SLC44A5: variants seen among roughly 807,000 people sequenced by gnomAD.
SLC44A5 encodes solute carrier family 44 member 5.
Under a neutral mutation model 101.8 loss-of-function variants are expected in SLC44A5, and 57 were observed. The observed-to-expected ratio is 0.56, with a 90% CI of 0.45 to 0.70. SLC44A5 has a LOEUF of 0.70. Among genes scored for constraint, SLC44A5 ranks in the 30% least tolerant of loss-of-function variants. SLC44A5 has a pLI of 0.00. For missense variants in SLC44A5, 737 were observed against 853.1 expected, an observed-to-expected ratio of 0.86 and a Z score of 1.70; for synonymous variants, 281 against 290.9, an observed-to-expected ratio of 0.97 and a Z score of 0.35.
chr1:75,555,838 A>G (rs1453064304), intron 1 of SLC44A5, among the ~76,000 whole-genome samples: 1 of 152,148 alleles, frequency 6.6e-6, no homozygotes, highest in Non-Finnish European at 1.5e-5. Flanking sequence ...TGAAAAACAA[A>G]TATTTGTATA....
intron 2 of SLC44A5, among the ~76,000 whole-genome samples, chr1:75,441,603 A>C (rs1372484279): frequency 6.6e-6 from 1 of 151,722 alleles, no homozygotes; most frequent in African/African-American, 2.4e-5. Context: ...GAATTAAAAA[A>C]ATATATTACC....
chr1:75,456,857 C>T (rs1666212329), intron 2 of SLC44A5, among the ~76,000 whole-genome samples: 1 of 152,158 alleles, frequency 6.6e-6, no homozygotes, highest in South Asian at 2.1e-4. Flanking sequence ...TAAGAAGCAC[C>T]TTATAGTGTA....
At chr1:75,393,058 C>T (rs1661897947) in intron 3 of SLC44A5, among the ~76,000 whole-genome samples, 1 of 152,134 alleles carries the variant, frequency 6.6e-6, no homozygotes, top group African/African-American at 2.4e-5. Flanking sequence ...ACTCTGCTCA[C>T]TATTTGGGTG....
intron 6 of SLC44A5, among the ~76,000 whole-genome samples, chr1:75,259,923 C>T (rs1293311407): frequency 6.6e-6 from 1 of 152,110 alleles, no homozygotes; most frequent in Non-Finnish European, 1.5e-5. Context: ...TCATATCCAG[C>T]CAAACTAAGC....
At chr1:75,499,294 G>A (rs1053024694) in intron 2 of SLC44A5, among the ~76,000 whole-genome samples, 13 of 152,164 alleles carry the variant, frequency 8.5e-5, no homozygotes, top group Non-Finnish European at 1.9e-4. Flanking sequence ...CAGATCATCA[G>A]GCATTAGATT....
At chr1:75,244,787 G>T (rs1648968718) in intron 7 of SLC44A5, among the ~76,000 whole-genome samples, 1 of 152,034 alleles carries the variant, frequency 6.6e-6, no homozygotes, top group South Asian at 2.1e-4. Context: ...TACACTATTG[G>T]TTTTGCTTTT....
the SLC44A5 span, among the ~76,000 whole-genome samples, chr1:75,630,216 TCATCAATCC>T: frequency 6.6e-6 from 1 of 152,158 alleles, no homozygotes; most frequent in Non-Finnish European, 1.5e-5. Context: ...TGTGGGTTTC[TCATCAATCC>T]CAGGCAATTG....
intron 4 of SLC44A5, among the ~76,000 whole-genome samples, chr1:75,326,095 C>CGT (rs58294702): frequency 0.01 from 1,449 of 140,322 alleles, 12 homozygotes; most frequent in Middle Eastern, 0.024. Flanking sequence ...TCTCTCTCTC[C>CGT]GTGTGTGTGT....
Position 75,582,170 on chromosome 1 carries a change from A to G in SLC44A5, c.-70+28870T>C, listed in dbSNP as rs1378230173. On this transcript the variant is annotated intron_variant, in intron 1 of 23. Transcript: ENST00000370859. ...ACAGAAATTGCCTCAAGAAACCCCA[A>G]TCACAAAGATACGAATCTCTTAAGG... The G allele has an allele frequency of 3.7e-6, 3 of 820,216 alleles. No homozygotes were observed. In the African/African-American group the frequency reaches 5.0e-5, roughly 14 times the overall value. The allele number at this position is 820,216 out of a possible 1,614,324, so 50.8% of individuals were successfully genotyped here. A position where few individuals can be genotyped will look rare whatever the true frequency, so the allele number is the denominator to read the frequency against.
At chr1:75,670,260 A>T in the SLC44A5 span, among the ~76,000 whole-genome samples, 13 of 152,144 alleles carry the variant, frequency 8.5e-5, no homozygotes, top group Non-Finnish European at 1.5e-4. Context: ...CCTAAAAGAA[A>T]ACCTTCCCAA....
rs544229699 is a variant in SLC44A5 at position 75,278,523 on chromosome 1, A to G, written c.176-3481T>C. On this transcript the variant is annotated intron_variant, in intron 5 of 23. Transcript: ENST00000370859. Reference sequence around the variant, plus strand: ...TCTTGAAATAATAGTCACAGATAATATATCTCAGCCAAACTCATAATTTCC... The same window carrying G: ...TCTTGAAATAATAGTCACAGATAATGTATCTCAGCCAAACTCATAATTTCC... 5.3e-5 allele frequency among the ~76,000 whole-genome samples: 8 copies of G among 152,276 alleles called. No homozygotes were observed. In the South Asian group the frequency reaches 1.2e-3, roughly 24 times the overall value.
chr1:75,486,450 T>C (rs1557838098), intron 2 of SLC44A5, among the ~76,000 whole-genome samples: 1 of 152,222 alleles, frequency 6.6e-6, no homozygotes, highest in African/African-American at 2.4e-5. Flanking sequence ...GTTTTACTCT[T>C]ATTCTATTAA....
intron 3 of SLC44A5, among the ~76,000 whole-genome samples, chr1:75,340,760 A>C (rs184664215): frequency 5.9e-5 from 9 of 152,320 alleles, no homozygotes; most frequent in Non-Finnish European, 8.8e-5. Flanking sequence ...AATCCCAGGA[A>C]TTTAGAATTA....
Position 75,215,847 on chromosome 1 carries a change from G to C in SLC44A5, c.1635C>G (p.Asn545Lys), listed in dbSNP as rs1233842568. The C allele has an allele frequency of 6.3e-7, 1 of 1,576,732 alleles. No homozygotes were observed. The highest frequency in any genetic ancestry group is 1.7e-5 in the Admixed American group (1 of 59,436). ...AGCATTGTAGGAATTTAGACAATGT[G>C]TTCTGGGTACCTATGAGAAGGAGAT... ...YLDHRLKRTQ[N>K]TLSKFLQCCL... The change falls in exon 19 of 24, where the codon AAC becomes AAG. Residue 545 changes from asparagine (N) to lysine (K), a missense_variant. By Grantham distance (94) the Asn-to-Lys change is moderately conservative. Coordinates refer to ENST00000370859, the MANE Select transcript of SLC44A5 (RefSeq NM_001130058.2).
intron 2 of SLC44A5, among the ~76,000 whole-genome samples, chr1:75,511,654 C>T (rs17645819): frequency 0.14 from 20,577 of 152,150 alleles, 1,525 homozygotes; most frequent in African/African-American, 0.16. Flanking sequence ...GAAAGTCACT[C>T]TTAAAAGATG....
At chr1:75,204,430 TA>T (rs1646715685) in intron 23 of SLC44A5, 1 of 152,192 alleles carries the variant, frequency 6.6e-6, no homozygotes, top group Non-Finnish European at 1.5e-5. Context: ...TGTTAGCTCA[TA>T]ATATAAATTG....
Position 75,203,610 on chromosome 1 carries a change from CA to C in SLC44A5, c.*116del. The C allele has an allele frequency of 7.9e-7, 1 of 1,265,470 alleles. No homozygotes were observed. Among genetic ancestry groups the C allele is most frequent in the Non-Finnish European group, 1.1e-6 (1 of 946,846 alleles). The allele number at this position is 1,265,470 out of a possible 1,614,324, so 78.4% of individuals were successfully genotyped here. On this transcript the variant is annotated 3_prime_UTR_variant, in exon 24 of 24. Transcript: ENST00000370859. ...TGGTATAAAACATGCAAATGCAAGC[CA>C]ACAAGGTCGTGAATACAGTGTTGCT...
chr1:75,701,940 C>A, the SLC44A5 span, among the ~76,000 whole-genome samples: 2 of 152,134 alleles, frequency 1.3e-5, no homozygotes, highest in Admixed American at 1.3e-4. Context: ...CCTAGGAATC[C>A]AACCTACAAG....
chr1:75,608,364 A>C (rs997110652), intron 1 of SLC44A5, among the ~76,000 whole-genome samples: 2 of 151,656 alleles, frequency 1.3e-5, no homozygotes, highest in African/African-American at 4.8e-5. Context: ...GTGTGTGTAC[A>C]CAATGGAGTA....
Sources: gnomAD v4.1 joint callset for allele counts (sites outside exome capture counted in the v4.1 genomes callset) on GRCh38, gnomAD v4.1.1 for gene constraint, MANE v1.5 for transcripts, NCBI Gene and HGNC (gene_info 2026-07-23, HGNC 2026-07-21) for gene names.